OPCML: variants seen among roughly 807,000 people sequenced by gnomAD.
The protein encoded by OPCML is opioid-binding protein/cell adhesion molecule.
OPCML carries 13 observed loss-of-function variants against 37.8 expected under a neutral mutation model. That is an observed-to-expected ratio of 0.34 (90% CI 0.22 to 0.55). OPCML has a LOEUF of 0.55. Among genes scored for constraint, OPCML ranks in the 20% least tolerant of loss-of-function variants. The pLI, the probability that OPCML is intolerant of heterozygous loss-of-function variation, is 0.91. For synonymous variants in OPCML, 176 were observed against 168.8 expected (o/e 1.04, Z -0.33); for missense variants, 341 against 435.6 (o/e 0.78, Z 1.93).
intron 1 of OPCML, among the ~76,000 whole-genome samples, chr11:133,051,611 T>C (rs1565419554): frequency 6.6e-6 from 1 of 152,188 alleles, no homozygotes; most frequent in Non-Finnish European, 1.5e-5. Context: ...CACATGGCTA[T>C]CTCTTGATGA....
chr11:133,394,551 C>T (rs1004435660), intron 1 of OPCML, among the ~76,000 whole-genome samples: 13 of 152,162 alleles, frequency 8.5e-5, no homozygotes, highest in Admixed American at 7.2e-4. Context: ...ACTTCCCTTC[C>T]ATCTCCCCAC....
intron 1 of OPCML, among the ~76,000 whole-genome samples, chr11:133,246,273 T>C (rs1940922799): frequency 6.6e-6 from 1 of 152,218 alleles, no homozygotes; most frequent in Non-Finnish European, 1.5e-5. Flanking sequence ...TGAGGATATG[T>C]AGTCTGTACC....
chr11:132,973,849 A>G lies in OPCML; in HGVS notation c.62-30839T>C, dbSNP rs1946398049. Among the ~76,000 whole-genome samples, 5 of 152,164 alleles carry G rather than the reference A, an allele frequency of 3.3e-5. No homozygotes were observed. In the South Asian group the frequency reaches 1.0e-3, roughly 32 times the overall value. ...TGATCATCTTCTACTTAAGAGCAAT[A>G]AAGAAAGCACGGAGTGGATCTGGCC... is the stretch of plus-strand genomic sequence containing the variant. On this transcript the variant is annotated intron_variant, in intron 1 of 7. Coordinates refer to ENST00000524381, the MANE Select transcript of OPCML (RefSeq NM_001012393.5).
intron 1 of OPCML, among the ~76,000 whole-genome samples, chr11:133,432,104 T>C (rs942534804): frequency 2.0e-5 from 3 of 152,040 alleles, no homozygotes; most frequent in Admixed American, 2.0e-4. Context: ...GAAGGTGCTT[T>C]GTGACAGGAG....
intron 1 of OPCML, among the ~76,000 whole-genome samples, chr11:133,451,843 GAA>G (rs145214679): frequency 6.7e-6 from 1 of 148,330 alleles, no homozygotes; most frequent in East Asian, 2.0e-4. Context: ...ACTCCAACTA[GAA>G]AAAAAAAATC....
chr11:133,253,284 T>TTTCA (rs1291539648), intron 1 of OPCML, among the ~76,000 whole-genome samples: 1 of 151,936 alleles, frequency 6.6e-6, no homozygotes, highest in Non-Finnish European at 1.5e-5. Context: ...TTCCTGTGAG[T>TTTCA]TTCACATAGT....
At chr11:132,906,102 T>C (rs1944230824) in intron 2 of OPCML, among the ~76,000 whole-genome samples, 1 of 152,168 alleles carries the variant, frequency 6.6e-6, no homozygotes, top group Admixed American at 6.5e-5. Context: ...TTCTTCTCTT[T>C]GCTGCCTTTC....
Position 132,819,012 on chromosome 11 carries a change from GAA to G in OPCML, c.146+123912_146+123913del, listed in dbSNP as rs528161693. Among the ~76,000 whole-genome samples the G allele has an allele frequency of 8.3e-3, 1,004 of 121,152 alleles. 11 individuals carry two copies. The highest frequency in any genetic ancestry group is 0.028 in the African/African-American group (950 of 33,496). 79.5% of individuals were successfully genotyped at this position (121,152 alleles called of 152,430 possible). On this transcript the variant is annotated intron_variant, in intron 2 of 7. Coordinates refer to ENST00000524381, the MANE Select transcript of OPCML (RefSeq NM_001012393.5). ...GAGGATGAAGTAAAGTTACAAAGTC[GAA>G]AAAAAAAAAAAAGAACCATATATGG...
intron 1 of OPCML, among the ~76,000 whole-genome samples, chr11:133,042,948 G>T (rs537704595): frequency 6.6e-6 from 1 of 152,076 alleles, no homozygotes; most frequent in Non-Finnish European, 1.5e-5. Context: ...GCAGAGAAAA[G>T]GGTCTCTCAC....
intron 7 of OPCML, among the ~76,000 whole-genome samples, chr11:132,422,455 G>A (rs536264112): frequency 2.0e-5 from 3 of 152,092 alleles, no homozygotes; most frequent in Admixed American, 1.3e-4. Flanking sequence ...CTGGGTGGAG[G>A]TTTACAGTCA....
At position 133,205,628 on chromosome 11, in the gene OPCML, G is replaced by T. The variant is rs1347280690; in HGVS notation, c.62-262618C>A. On this transcript the variant is annotated intron_variant, in intron 1 of 7. Coordinates refer to ENST00000524381, the MANE Select transcript of OPCML (RefSeq NM_001012393.5). The surrounding 1 kb of genome is among the most constrained non-coding windows in gnomAD (Gnocchi z 4.8). ...TCCTCACGATCATTGCTCAGTTGGT[G>T]TGTGGGGAAAAATTTCTCACTCATC... Among the ~76,000 whole-genome samples, 2 of 152,328 alleles carry T rather than the reference G, an allele frequency of 1.3e-5. No individual in the cohort carries two copies. Among genetic ancestry groups the T allele is most frequent in the East Asian group, 3.9e-4 (2 of 5,174 alleles).
At chr11:132,477,811 C>T (rs1388246111) in intron 4 of OPCML, among the ~76,000 whole-genome samples, 1 of 152,078 alleles carries the variant, frequency 6.6e-6, no homozygotes, top group East Asian at 1.9e-4. Flanking sequence ...AAGAGTATTA[C>T]CTGTCTACTT....
rs543605728 is a variant in OPCML, at chr11:133,009,189, T to C, written c.62-66179A>G. 56 of 985,356 alleles carry C rather than the reference T, an allele frequency of 5.7e-5. No homozygotes were observed. The African/African-American group carries it at 7.8e-4, about 14-fold the overall frequency. The allele number at this position is 985,356 out of a possible 1,614,324, so 61.0% of individuals were successfully genotyped here. The stretch of plus-strand genomic sequence containing the variant: ...CCTTTCAAGAAAAATACACATTGTC[T>C]CTAACATATGTAGATATAGTCCCTG... On this transcript the variant is annotated intron_variant, in intron 1 of 7. Coordinates refer to ENST00000524381, the MANE Select transcript of OPCML (RefSeq NM_001012393.5).
intron 4 of OPCML, among the ~76,000 whole-genome samples, chr11:132,498,791 T>TTTA (rs2096239353): frequency 1.3e-5 from 2 of 150,852 alleles, no homozygotes; most frequent in Admixed American, 1.3e-4. Flanking sequence ...TCCTGATGGT[T>TTTA]TTAAAATAAT....
chr11:132,979,221 A>G (rs1352978406), intron 1 of OPCML, among the ~76,000 whole-genome samples: 3 of 152,168 alleles, frequency 2.0e-5, no homozygotes, highest in African/African-American at 7.2e-5. Flanking sequence ...GCCATGCAAT[A>G]GATTCTCACA....
chr11:133,493,298 A>G (rs985061319), intron 1 of OPCML, among the ~76,000 whole-genome samples: 10 of 152,338 alleles, frequency 6.6e-5, no homozygotes, highest in South Asian at 6.2e-4. Context: ...CTTTGGGGAG[A>G]TCCATGAAGG....
rs73585059 is a variant in OPCML, at chr11:132,488,919, C to T, written c.505+40142G>A. Among the ~76,000 whole-genome samples, 377 of 152,164 alleles carry T rather than the reference C, an allele frequency of 2.5e-3. 1 individual carries two copies. Among genetic ancestry groups the T allele is most frequent in the African/African-American group, 8.6e-3 (357 of 41,508 alleles). On this transcript the variant is annotated intron_variant, in intron 4 of 7. Transcript: ENST00000524381. Reference sequence around the variant, plus strand: ...CAGACCATGCTGGTTTGAGCAGAAGCGACAAGAACGAGAACCCTGTTGGAA... The same window carrying T: ...CAGACCATGCTGGTTTGAGCAGAAGTGACAAGAACGAGAACCCTGTTGGAA...
intron 1 of OPCML, among the ~76,000 whole-genome samples, chr11:133,015,990 G>C (rs1182676198): frequency 6.6e-6 from 1 of 152,078 alleles, no homozygotes; most frequent in Non-Finnish European, 1.5e-5. Context: ...AAGGCTCCTT[G>C]TGCCCATCCC....
rs549616451 is a variant in OPCML at position 132,943,514 on chromosome 11, G to T, written c.62-504C>A. The T allele has an allele frequency of 9.3e-5, 20 of 214,632 alleles. No individual in the cohort carries two copies. In the South Asian group the frequency reaches 1.7e-3, roughly 18 times the overall value. 13.3% of individuals were successfully genotyped at this position (214,632 alleles called of 1,614,324 possible). A position where few individuals can be genotyped will look rare whatever the true frequency, so the allele number is the denominator to read the frequency against. On this transcript the variant is annotated intron_variant, in intron 1 of 7. Transcript: ENST00000524381. The surrounding 1 kb of genome is among the most constrained non-coding windows in gnomAD (Gnocchi z 4.3). Reference sequence around the variant, plus strand: ...AAAAGTTTATAACCCAAAGAAGAAGGCAAGTGTCTCTGACATACAGGAGCT... The same window carrying T: ...AAAAGTTTATAACCCAAAGAAGAAGTCAAGTGTCTCTGACATACAGGAGCT...
Sources: allele counts gnomAD v4.1 joint callset (sites outside exome capture counted in the v4.1 genomes callset), GRCh38; gene constraint gnomAD v4.1.1; non-coding constraint Gnocchi (gnomAD v3.1); transcripts MANE v1.5; gene names NCBI Gene and HGNC (gene_info 2026-07-23, HGNC 2026-07-21).